Variants in EXOC5 observed in about 807,000 individuals in gnomAD.
The protein encoded by EXOC5 is SEC10-like 1.
In EXOC5, 17 loss-of-function variants were observed where a neutral mutation model predicts 90.8. The ratio of observed to expected loss-of-function variants is 0.19; its 90% CI spans 0.13 to 0.28. The LOEUF (loss-of-function observed/expected upper bound fraction) is 0.28, where lower values mean the gene tolerates loss of function less well. Ranked by LOEUF, EXOC5 falls within the 10% of genes least tolerant of loss-of-function variation. The probability of loss-of-function intolerance (pLI) is 1.00; values close to 1 mark genes in which losing one functional copy is unlikely to be tolerated. For missense variants in EXOC5, 569 were observed against 830.6 expected (o/e 0.69, Z 3.87); for synonymous variants, 260 against 270.0 (o/e 0.96, Z 0.36).
intron 1 of EXOC5, among the ~76,000 whole-genome samples, chr14:57,251,691 G>A: frequency 6.6e-6 from 1 of 150,916 alleles, no homozygotes; most frequent in East Asian, 1.9e-4. Context: ...CAGAAGGAAG[G>A]AAATAATAAA....
chr14:57,210,927 ATATTTT>A (rs1379812394), intron 15 of EXOC5, among the ~76,000 whole-genome samples: 4 of 152,136 alleles, frequency 2.6e-5, no homozygotes, highest in African/African-American at 9.7e-5. Flanking sequence ...ACTCTATCCT[ATATTTT>A]ATTTTTTTAG....
rs1475358264 is a variant in EXOC5 at position 57,247,719 on chromosome 14, T to C, written c.28-7A>G. On this transcript the variant is annotated splice_region_variant and splice_polypyrimidine_tract_variant and intron_variant, in intron 1 of 17. Coordinates refer to ENST00000621441, the MANE Select transcript of EXOC5 (RefSeq NM_006544.4). ...CATCTGCCACAAAAGGCTCCTAGTT[T>C]ACAAAAAAATACGCTTTAACAAAGT... is the stretch of plus-strand genomic sequence containing the variant. 1.0e-5 allele frequency: 15 copies of C among 1,441,898 alleles called. No homozygotes were observed. Among genetic ancestry groups the C allele is most frequent in the African/African-American group, 1.4e-5 (1 of 69,884 alleles). 89.3% of individuals were successfully genotyped at this position (1,441,898 alleles called of 1,614,324 possible). A position where few individuals can be genotyped will look rare whatever the true frequency, so the allele number is the denominator to read the frequency against.
rs1882914902 is a variant in EXOC5, at chr14:57,214,401, TC to T, written c.1613+3580del. Among the ~76,000 whole-genome samples, 3 of 152,148 alleles carry T rather than the reference TC, an allele frequency of 2.0e-5. No homozygotes were observed. In the South Asian group the frequency reaches 6.2e-4, roughly 32 times the overall value. On this transcript the variant is annotated intron_variant, in intron 15 of 17. Transcript: ENST00000621441. The stretch of plus-strand genomic sequence containing the variant: ...GGGTAATGTCAGCACTCAAAAAATT[TC>T]AAGTTTCAAATTTTGAAGCATTTTT...
Position 57,244,261 on chromosome 14 carries a change from G to C in EXOC5, c.369C>G (p.Pro123=). The C allele has an allele frequency of 6.2e-7, 1 of 1,613,138 alleles. No homozygotes were observed. Among genetic ancestry groups the C allele is most frequent in the Non-Finnish European group, 8.5e-7 (1 of 1,179,188 alleles). ...TCTGAGCCTCCACTGCCCGTTGTCT[G>C]GGTGTGTTTACCCCCTCTAACTGGT... is the stretch of plus-strand genomic sequence containing the variant. ...LGDQLEGVNT[P]RQRAVEAQKL... The change falls in exon 4 of 18, where the codon CCC becomes CCG. Residue 123 remains proline (P), a synonymous_variant. Coordinates refer to ENST00000621441, the MANE Select transcript of EXOC5 (RefSeq NM_006544.4).
intron 1 of EXOC5, among the ~76,000 whole-genome samples, chr14:57,251,336 G>A (rs1884186616): frequency 6.6e-6 from 1 of 152,172 alleles, no homozygotes; most frequent in South Asian, 2.1e-4. Flanking sequence ...TGCTGCTTCA[G>A]ACCACAGAGG....
chr14:57,203,461 TTTA>T lies in EXOC5; in HGVS notation c.*5145_*5147del, dbSNP rs1882558853. The T allele has an allele frequency of 6.6e-6, 1 of 152,506 alleles. No homozygotes were observed. Among genetic ancestry groups the T allele is most frequent in the Non-Finnish European group, 1.5e-5 (1 of 68,042 alleles). 9.4% of individuals were successfully genotyped at this position (152,506 alleles called of 1,614,324 possible). ...TTAGTTCTATCCAAACTTCACTTAG[TTTA>T]TTAACATAAAGATAACTGGAAGGGA... On this transcript the variant is annotated 3_prime_UTR_variant, in exon 18 of 18. Transcript: ENST00000621441.
At chr14:57,238,497 A>G (rs1480245667) in intron 5 of EXOC5, among the ~76,000 whole-genome samples, 5 of 151,378 alleles carry the variant, frequency 3.3e-5, no homozygotes, top group Non-Finnish European at 7.4e-5. Context: ...GATGCAGTCA[A>G]TAATTATTAT....
At chr14:57,267,995 T>C (rs995053557) in intron 1 of EXOC5, among the ~76,000 whole-genome samples, 3 of 152,116 alleles carry the variant, frequency 2.0e-5, no homozygotes, top group African/African-American at 7.2e-5. Flanking sequence ...AAATAAAGTG[T>C]TCACTTGAAT....
At chr14:57,229,334 CAT>C (rs1429127527) in intron 12 of EXOC5, among the ~76,000 whole-genome samples, 1 of 152,050 alleles carries the variant, frequency 6.6e-6, no homozygotes, top group Non-Finnish European at 1.5e-5. Flanking sequence ...AATACAACTA[CAT>C]AGTCAGTTCT....
chr14:57,255,221 C>G (rs1190825850), intron 1 of EXOC5, among the ~76,000 whole-genome samples: 2 of 152,160 alleles, frequency 1.3e-5, no homozygotes, highest in African/African-American at 4.8e-5. Flanking sequence ...CTAACAGTGA[C>G]AGAGACCAAC....
At chr14:57,266,093 A>G (rs1884662138) in intron 1 of EXOC5, among the ~76,000 whole-genome samples, 1 of 152,212 alleles carries the variant, frequency 6.6e-6, no homozygotes, top group African/African-American at 2.4e-5. Flanking sequence ...CAAAAGCTTA[A>G]TTTTGTTTTC....
chr14:57,209,830 A>T (rs781721387), intron 16 of EXOC5, 48 bp from the exon 17 acceptor site: 16 of 1,376,760 alleles, frequency 1.2e-5, no homozygotes, highest in Middle Eastern at 1.8e-4. Context: ...ATACCAGCTT[A>T]GCTAAAGAGG....
intron 10 of EXOC5, 35 bp from the exon 11 acceptor site, chr14:57,231,750 T>C (rs1566730713): frequency 1.4e-6 from 2 of 1,392,916 alleles, no homozygotes; most frequent in South Asian, 1.3e-5. Flanking sequence ...AAGATTAATA[T>C]ACATTTTAGG....
At chr14:57,210,235 G>T (rs1415192906) in intron 15 of EXOC5, among the ~76,000 whole-genome samples, 174 bp from the exon 16 acceptor site, 1 of 152,110 alleles carries the variant, frequency 6.6e-6, no homozygotes, top group Non-Finnish European at 1.5e-5. Context: ...GTCTTAATAT[G>T]AAAGAGCTCT....
chr14:57,268,674 C>T lies in EXOC5; in HGVS notation c.-26G>A, dbSNP rs565273999. 1.9e-4 allele frequency: 296 copies of T among 1,574,966 alleles called. 1 individual carries two copies. In the African/African-American group the frequency reaches 3.4e-3, roughly 18 times the overall value. On this transcript the variant is annotated 5_prime_UTR_variant, in exon 1 of 18. Coordinates refer to ENST00000621441, the MANE Select transcript of EXOC5 (RefSeq NM_006544.4). ...CCCGGCCGGCTGAGAGGCTCGCCCCCCACTGGATGCCGTCTCCGCTTCACA... is the reference window on the plus strand; with the variant it reads ...CCCGGCCGGCTGAGAGGCTCGCCCCTCACTGGATGCCGTCTCCGCTTCACA...
intron 1 of EXOC5, among the ~76,000 whole-genome samples, chr14:57,263,849 T>G (rs1026650832): frequency 3.4e-5 from 5 of 148,196 alleles, no homozygotes; most frequent in Non-Finnish European, 7.4e-5. Context: ...CACATACACA[T>G]CCTAACTCTT....
intron 16 of EXOC5, 82 bp downstream of exon 16, chr14:57,209,871 A>G (rs992937413): frequency 8.1e-7 from 1 of 1,227,606 alleles, no homozygotes; most frequent in African/African-American, 1.5e-5. Flanking sequence ...CTTTAAGTAT[A>G]AAAGAAAAAA....
intron 4 of EXOC5, chr14:57,243,403 C>A (rs1883932158): frequency 6.6e-6 from 1 of 152,148 alleles, no homozygotes; most frequent in Non-Finnish European, 1.5e-5. Context: ...TTAGCTTTTA[C>A]ATTCCACTAT....
intron 15 of EXOC5, 65 bp downstream of exon 15, chr14:57,217,917 C>T: frequency 2.5e-6 from 2 of 789,668 alleles, no homozygotes; most frequent in Non-Finnish European, 4.4e-6. Flanking sequence ...AAAGTATTTT[C>T]ATGCTGCTAT....
Sources: gnomAD v4.1 joint callset for allele counts (sites outside exome capture counted in the v4.1 genomes callset) on GRCh38, gnomAD v4.1.1 for gene constraint, MANE v1.5 for transcripts, NCBI Gene and HGNC (gene_info 2026-07-23, HGNC 2026-07-21) for gene names.